ANKRD52: variants seen among roughly 807,000 people sequenced by gnomAD.
ANKRD52 encodes ankyrin repeat domain 52, also known as serine/threonine-protein phosphatase 6 regulatory ankyrin repeat subunit C.
In ANKRD52, 7 loss-of-function variants were observed where a neutral mutation model predicts 116.0. The observed-to-expected ratio is 0.06, with a 90% CI of 0.03 to 0.11. The LOEUF (loss-of-function observed/expected upper bound fraction) is 0.11, where lower values mean the gene tolerates loss of function less well. Ranked by LOEUF, ANKRD52 falls within the 10% of genes least tolerant of loss-of-function variation. ANKRD52 has a pLI of 1.00. For missense variants in ANKRD52, 839 were observed against 1,408.6 expected (o/e 0.60, Z 6.47); for synonymous variants, 528 against 578.1 (o/e 0.91, Z 1.24).
intron 15 of ANKRD52, 41 bp downstream of exon 15, chr12:56,251,974 G>A: frequency 6.3e-7 from 1 of 1,597,128 alleles, no homozygotes; most frequent in South Asian, 1.1e-5. Flanking sequence ...GCTTGCATGG[G>A]TTGGGGAAAG....
chr12:56,257,939 C>G, intron 1 of ANKRD52, 28 bp from the exon 2 acceptor site: 1 of 767,460 alleles, frequency 1.3e-6, no homozygotes, highest in Non-Finnish European at 2.0e-6. Flanking sequence ...ATTCTGAGAG[C>G]GGGCTGGAGC....
chr12:56,253,680 G>T lies in ANKRD52; in HGVS notation c.985+42C>A, dbSNP rs538270241. The T allele has an allele frequency of 3.2e-5, 51 of 1,587,962 alleles. No individual in the cohort carries two copies. The East Asian group carries it at 5.8e-4, about 18-fold the overall frequency. On this transcript the variant is annotated intron_variant, in intron 9 of 27. Coordinates refer to ENST00000267116, the MANE Select transcript of ANKRD52 (RefSeq NM_173595.4). The surrounding 1 kb of genome is among the most constrained non-coding windows in gnomAD (Gnocchi z 5.5). ...CTAGATTCTAGAAATGAGTTCCTTG[G>T]GGGAGGAGGGGATGAGAGCACAAAG...
rs1871223969 is a variant in ANKRD52, at chr12:56,242,871, AGCCAG to A, written c.*266_*270del. 2 of 438,604 alleles carry A rather than the reference AGCCAG, an allele frequency of 4.6e-6. No individual in the cohort carries two copies. The highest frequency in any genetic ancestry group is 4.1e-6 in the Non-Finnish European group (1 of 245,736). The allele number at this position is 438,604 out of a possible 1,614,324, so 27.2% of individuals were successfully genotyped here. A position where few individuals can be genotyped will look rare whatever the true frequency, so the allele number is the denominator to read the frequency against. ...AAGAGATGGAGTCAAAGAGTGGGGG[AGCCAG>A]GCATTTAGCAATCATTTTGGGACAC... On this transcript the variant is annotated 3_prime_UTR_variant, in exon 28 of 28. Transcript: ENST00000267116. The surrounding 1 kb of genome is among the most constrained non-coding windows in gnomAD (Gnocchi z 4.3).
rs1056111568 is a variant in ANKRD52, at chr12:56,253,092, G to A, written c.1101-6C>T. The A allele has an allele frequency of 1.3e-6, 2 of 1,564,582 alleles. No individual in the cohort carries two copies. The highest frequency in any genetic ancestry group is 4.7e-5 in the East Asian group (2 of 42,948). ...ACATGTCATGGATGCCACGCCTAGAGAGAAGTTGAGGGACTCAGTCCTTGG... is the reference window on the plus strand; with the variant it reads ...ACATGTCATGGATGCCACGCCTAGAAAGAAGTTGAGGGACTCAGTCCTTGG... On this transcript the variant is annotated splice_region_variant and splice_polypyrimidine_tract_variant and intron_variant, in intron 10 of 27. Coordinates refer to ENST00000267116, the MANE Select transcript of ANKRD52 (RefSeq NM_173595.4). This position sits in a 1 kb window ranked among gnomAD's most constrained non-coding sequence, Gnocchi z 5.5.
In ANKRD52 at chr12:56,252,731, C is replaced by A. The variant is rs765420569; in HGVS notation, c.1301+49G>T. On this transcript the variant is annotated intron_variant, in intron 12 of 27. Coordinates refer to ENST00000267116, the MANE Select transcript of ANKRD52 (RefSeq NM_173595.4). The surrounding 1 kb of genome is among the most constrained non-coding windows in gnomAD (Gnocchi z 4.7). ...GCAGGCAAGAATGAGGGGCCCAGAC[C>A]TTTGCCCAGCTCCCTGCTCAAAGCA... The A allele has an allele frequency of 6.3e-7, 1 of 1,594,852 alleles. No individual in the cohort carries two copies. Among genetic ancestry groups the A allele is most frequent in the Non-Finnish European group, 8.6e-7 (1 of 1,164,760 alleles).
In ANKRD52 at chr12:56,244,736, G is replaced by A. The variant is rs1193338895; in HGVS notation, c.2638C>T (p.His880Tyr). Residue 880 changes from histidine to tyrosine, a missense_variant, in exon 24 of 28, where the codon CAT (histidine) becomes TAT (tyrosine). Around this residue, in one of 2 missense-constraint regions of ANKRD52, gnomAD observed 552 missense variants for 810.6 expected, o/e 0.68. Coordinates refer to ENST00000267116, the MANE Select transcript of ANKRD52 (RefSeq NM_173595.4). The surrounding 1 kb of genome is among the most constrained non-coding windows in gnomAD (Gnocchi z 4.9). ...NVSGLRMLLQ[H>Y]QAEVNATDHT... ...TCAGTGGCGTTCACCTCAGCTTGAT[G>A]CTGCAGCAGCATCCGGAGCCCAGAG... is the stretch of plus-strand genomic sequence containing the variant. 6.2e-7 allele frequency: 1 copy of A among 1,613,844 alleles called. No homozygotes were observed.
Position 56,247,829 on chromosome 12 carries a change from G to A in ANKRD52, c.1979-55C>T, listed in dbSNP as rs563402963. ...GGGCCAGGAGGAAGAAGGGAGGCAA[G>A]GTCAAGCCTAAAGGACTTGGGGTCA... On this transcript the variant is annotated intron_variant, in intron 18 of 27. Coordinates refer to ENST00000267116, the MANE Select transcript of ANKRD52 (RefSeq NM_173595.4). The A allele has an allele frequency of 5.1e-6, 8 of 1,555,576 alleles. No individual in the cohort carries two copies. The East Asian group carries it at 1.8e-4, about 36-fold the overall frequency.
In ANKRD52 at chr12:56,254,044, C is replaced by A; in HGVS notation, c.906+23G>T. On this transcript the variant is annotated intron_variant, in intron 8 of 27. Coordinates refer to ENST00000267116, the MANE Select transcript of ANKRD52 (RefSeq NM_173595.4). The surrounding 1 kb of genome is among the most constrained non-coding windows in gnomAD (Gnocchi z 4.6). ...GATCCAAGTTTCGCTCCCCACTGGT[C>A]TAAGCCTTATCCCTTCAGGCACCTG... is the stretch of plus-strand genomic sequence containing the variant. 2 of 1,608,082 alleles carry A rather than the reference C, an allele frequency of 1.2e-6. No homozygotes were observed. Among genetic ancestry groups the A allele is most frequent in the South Asian group, 2.2e-5 (2 of 90,806 alleles).
chr12:56,249,566 A>G (rs1871584125), intron 15 of ANKRD52, among the ~76,000 whole-genome samples: 1 of 152,166 alleles, frequency 6.6e-6, no homozygotes, highest in Non-Finnish European at 1.5e-5. Flanking sequence ...GTCCTTTTTA[A>G]AAAAATAAAT....
Position 56,257,090 on chromosome 12 carries a change from G to A in ANKRD52, c.191-5C>T, listed in dbSNP as rs1871989243. ...CCTTAGCATTGACATTAGCACCTGT[G>A]GGGATATAATTTCCTATTTTGATGG... On this transcript the variant is annotated splice_region_variant and splice_polypyrimidine_tract_variant and intron_variant, in intron 3 of 27. Transcript: ENST00000267116. 1.2e-6 allele frequency: 2 copies of A among 1,611,392 alleles called. No homozygotes were observed. Among genetic ancestry groups the A allele is most frequent in the Admixed American group, 1.7e-5 (1 of 59,332 alleles).
Position 56,255,316 on chromosome 12 carries a change from G to A in ANKRD52, c.463-364C>T, listed in dbSNP as rs981389341. Among the ~76,000 whole-genome samples the A allele has an allele frequency of 2.7e-5, 4 of 150,812 alleles. No individual in the cohort carries two copies. Among genetic ancestry groups the A allele is most frequent in the Non-Finnish European group, 4.4e-5 (3 of 67,872 alleles). ...CGCCATTCTCCTGCCTCAGTCTCCC[G>A]AGTAGCTGGGACTACAGGCGGCCGC... On this transcript the variant is annotated intron_variant, in intron 5 of 27. Transcript: ENST00000267116. This position sits in a 1 kb window ranked among gnomAD's most constrained non-coding sequence, Gnocchi z 4.3.
rs1403747995 is a variant in ANKRD52, at chr12:56,248,581, A to C, written c.1705-15T>G. 1.9e-6 allele frequency: 3 copies of C among 1,579,860 alleles called. No homozygotes were observed. Among genetic ancestry groups the C allele is most frequent in the Non-Finnish European group, 2.6e-6 (3 of 1,162,830 alleles). ...ATTTCTAAGAGCTGCAAAGGACAGG[A>C]AAGTAGGTGCTGAGACTCTGGAACT... On this transcript the variant is annotated splice_polypyrimidine_tract_variant and intron_variant, in intron 16 of 27. Coordinates refer to ENST00000267116, the MANE Select transcript of ANKRD52 (RefSeq NM_173595.4). The surrounding 1 kb of genome is among the most constrained non-coding windows in gnomAD (Gnocchi z 5.1).
intron 4 of ANKRD52, among the ~76,000 whole-genome samples, chr12:56,256,299 A>C (rs1871949394): frequency 6.6e-6 from 1 of 152,166 alleles, no homozygotes. Context: ...ACATGTGGAG[A>C]TCCACACATC....
chr12:56,244,287 C>G lies in ANKRD52; in HGVS notation c.2805+66G>C. 1.9e-6 allele frequency: 3 copies of G among 1,579,114 alleles called. No homozygotes were observed. Among genetic ancestry groups the G allele is most frequent in the Non-Finnish European group, 2.6e-6 (3 of 1,150,222 alleles). Reference sequence around the variant, plus strand: ...CTTCTGCCCCAGTCCCCTCTGCAACCGAGACTTACCTCTCTTCATCAAGCT... The same window carrying G: ...CTTCTGCCCCAGTCCCCTCTGCAACGGAGACTTACCTCTCTTCATCAAGCT... On this transcript the variant is annotated intron_variant, in intron 25 of 27. Transcript: ENST00000267116. The surrounding 1 kb of genome is among the most constrained non-coding windows in gnomAD (Gnocchi z 4.9).
In ANKRD52 at chr12:56,253,851, C is replaced by A. The variant is rs899930529; in HGVS notation, c.907-51G>T. 36 of 1,570,248 alleles carry A rather than the reference C, an allele frequency of 2.3e-5. No individual in the cohort carries two copies. In the African/African-American group the frequency reaches 4.9e-4, roughly 21 times the overall value. ...TTTTGTTTTTTTTTCCAGTGCAAAG[C>A]ACAGAGAATGCCCTACCTCCCTTCC... On this transcript the variant is annotated intron_variant, in intron 8 of 27. Transcript: ENST00000267116. The surrounding 1 kb of genome is among the most constrained non-coding windows in gnomAD (Gnocchi z 5.5).
At chr12:56,251,873 A>G in intron 15 of ANKRD52, 142 bp downstream of exon 15, 1 of 850,020 alleles carries the variant, frequency 1.2e-6, no homozygotes, top group Non-Finnish European at 1.8e-6. Context: ...GACTACACCC[A>G]GAGGGCTCAA....
chr12:56,256,103 T>A, intron 4 of ANKRD52, 119 bp from the exon 5 acceptor site: 3 of 1,037,254 alleles, frequency 2.9e-6, no homozygotes, highest in Non-Finnish European at 4.2e-6. Context: ...GAATCTCTTC[T>A]CATTTTTCCA....
Position 56,255,193 on chromosome 12 carries a change from CTTTT to C in ANKRD52, c.463-245_463-242del, listed in dbSNP as rs201426928. ...CAGGTGATCTGGTGGTTCTTAAACTCTTTTTTTTTTTTTTTTTGAGACAGTCTCG... is the reference window on the plus strand; with the variant it reads ...CAGGTGATCTGGTGGTTCTTAAACTCTTTTTTTTTTTTTGAGACAGTCTCG... On this transcript the variant is annotated intron_variant, in intron 5 of 27. Transcript: ENST00000267116. This position sits in a 1 kb window ranked among gnomAD's most constrained non-coding sequence, Gnocchi z 4.3. The C allele has an allele frequency of 2.5e-3, 623 of 253,142 alleles. No individual in the cohort carries two copies. Among genetic ancestry groups the C allele is most frequent in the South Asian group, 3.8e-3 (46 of 12,058 alleles). The allele number at this position is 253,142 out of a possible 1,614,324, so 15.7% of individuals were successfully genotyped here.
chr12:56,249,442 C>A (rs1871578984), intron 15 of ANKRD52, among the ~76,000 whole-genome samples: 1 of 152,114 alleles, frequency 6.6e-6, no homozygotes, highest in African/African-American at 2.4e-5. Flanking sequence ...ATAATTTAAT[C>A]CTCATAAAGA....
Sources: allele counts gnomAD v4.1 joint callset (sites outside exome capture counted in the v4.1 genomes callset), GRCh38; gene constraint gnomAD v4.1.1; regional missense constraint gnomAD v4.1.1; non-coding constraint Gnocchi (gnomAD v3.1); transcripts MANE v1.5; gene names NCBI Gene and HGNC (gene_info 2026-07-23, HGNC 2026-07-21).